The following C10orf71 variants were observed in gnomAD, a reference collection of about 807,000 sequenced individuals.
C10orf71 encodes the protein chromosome 10 open reading frame 71, also known as cardiac-enriched FHL2-interacting protein.
For synonymous variants in C10orf71, 758 were observed against 726.3 expected (o/e 1.04, Z -0.70); for missense variants, 1,869 against 1,804.5 (o/e 1.04, Z -0.65).
Position 49,325,440 on chromosome 10 carries a change from A to G in C10orf71, c.2895A>G (p.Gly965=), listed in dbSNP as rs1455956692. 3.2e-6 allele frequency: 5 copies of G among 1,550,004 alleles called. 1 individual carries two copies. Among genetic ancestry groups the G allele is most frequent in the Non-Finnish European group, 4.4e-6 (5 of 1,145,686 alleles). ...ATTTCCCATCTATGCCTCTGGTGGG[A>G]GAGGGGGACCGGGTGAAGGCACCAC... is the stretch of plus-strand genomic sequence containing the variant. ...KGNFPSMPLV[G]EGDRVKAPPD... is the part of the protein sequence containing the mutation. The change falls in exon 3 of 3, where the codon GGA becomes GGG. Residue 965 remains glycine (G), a synonymous_variant. Transcript: ENST00000374144.
intron 2 of C10orf71, among the ~76,000 whole-genome samples, chr10:49,321,782 C>A (rs1849097452): frequency 6.6e-6 from 1 of 152,168 alleles, no homozygotes; most frequent in South Asian, 2.1e-4. Flanking sequence ...TGGCTTTGAT[C>A]TGCATTTCCC....
Position 49,325,281 on chromosome 10 carries a change from C to T in C10orf71, c.2736C>T (p.Asp912=). The stretch of plus-strand genomic sequence containing the variant: ...GGTTTTGTGCCCCCGAAAACCAGGA[C>T]ATTCTTGGTACATCGACACCCACTA... The part of the protein sequence containing the change: ...DPGFCAPENQ[D]ILGTSTPTNT... Residue 912 remains aspartate, a synonymous_variant, in exon 3 of 3, where the codon GAC becomes GAT. Transcript: ENST00000374144. 3 of 1,551,778 alleles carry T rather than the reference C, an allele frequency of 1.9e-6. No homozygotes were observed. The highest frequency in any genetic ancestry group is 1.7e-4 in the Middle Eastern group (1 of 5,992).
chr10:49,297,219 C>G (rs760371612), upstream of C10orf71, among the ~76,000 whole-genome samples: 6 of 152,188 alleles, frequency 3.9e-5, no homozygotes, highest in Non-Finnish European at 7.3e-5. Context: ...GCGGCCCTGC[C>G]GAAGCTTTCA....
chr10:49,323,928 C>T lies in C10orf71; in HGVS notation c.1383C>T (p.Asp461=). The T allele has an allele frequency of 6.2e-7, 1 of 1,613,584 alleles. No homozygotes were observed. Among genetic ancestry groups the T allele is most frequent in the Non-Finnish European group, 8.5e-7 (1 of 1,179,622 alleles). The change falls in exon 3 of 3, where the codon GAC becomes GAT. Residue 461 remains aspartate (D), a synonymous_variant. Coordinates refer to ENST00000374144, the MANE Select transcript of C10orf71 (RefSeq NM_001135196.2). ...IPSKHALDSA[D]SQPAERTPSP... is the part of the protein sequence containing the mutation. Reference sequence around the variant, plus strand: ...GCAAGCACGCCCTGGATTCAGCAGACAGCCAGCCAGCAGAGCGAACCCCAT... The same window carrying T: ...GCAAGCACGCCCTGGATTCAGCAGATAGCCAGCCAGCAGAGCGAACCCCAT...
rs115054577 is a variant in C10orf71 at position 49,320,645 on chromosome 10, G to A, written c.-144-1757G>A. Among the ~76,000 whole-genome samples the A allele has an allele frequency of 4.8e-3, 736 of 152,334 alleles. 9 individuals carry two copies. Among genetic ancestry groups the A allele is most frequent in the African/African-American group, 0.017 (704 of 41,576 alleles). ...CCATGGAATATCAGGGAAGGACTCT[G>A]CAAAAACACCACTGAACTTCAGGCA... On this transcript the variant is annotated intron_variant, in intron 2 of 2. Coordinates refer to ENST00000374144, the MANE Select transcript of C10orf71 (RefSeq NM_001135196.2).
rs201857646 is a variant in C10orf71, at chr10:49,324,325, G to C, written c.1780G>C (p.Ala594Pro). The C allele has an allele frequency of 1.2e-3, 1,998 of 1,613,898 alleles. 33 individuals carry two copies. In the South Asian group the frequency reaches 0.018, roughly 15 times the overall value. Residue 594 changes from alanine (A) to proline (P), a missense_variant, in exon 3 of 3, where the codon GCT (alanine) becomes CCT (proline). Physicochemically the swap from Ala to Pro is conservative, Grantham distance 27. Coordinates refer to ENST00000374144, the MANE Select transcript of C10orf71 (RefSeq NM_001135196.2). ...AGACAGCTATCTAACTCTTAGCACA[G>C]CTCCGACTATCGCCAAAGCCCCCTT... is the stretch of plus-strand genomic sequence containing the variant. ...SADSYLTLST[A>P]PTIAKAPFYV...
chr10:49,303,256 C>T (rs780146663), intron 1 of C10orf71, among the ~76,000 whole-genome samples: 9 of 152,198 alleles, frequency 5.9e-5, no homozygotes, highest in East Asian at 1.9e-4. Flanking sequence ...CCCTCTTGTG[C>T]GGAAGAGGTC....
intron 2 of C10orf71, among the ~76,000 whole-genome samples, chr10:49,318,550 C>A (rs1208472878): frequency 6.6e-6 from 1 of 152,230 alleles, no homozygotes; most frequent in Non-Finnish European, 1.5e-5. Context: ...GAACTCAGGT[C>A]CCATCCTTTC....
At chr10:49,321,525 A>G (rs571546506) in intron 2 of C10orf71, among the ~76,000 whole-genome samples, 1 of 152,312 alleles carries the variant, frequency 6.6e-6, no homozygotes, top group East Asian at 1.9e-4. Flanking sequence ...GTGGGTGCAG[A>G]TACTTTAATA....
chr10:49,307,688 G>C (rs1052592579), intron 1 of C10orf71, among the ~76,000 whole-genome samples: 9 of 152,200 alleles, frequency 5.9e-5, no homozygotes, highest in African/African-American at 1.9e-4. Context: ...CAAGAAATTA[G>C]CCAGTGCTAC....
At position 49,326,724 on chromosome 10, in the gene C10orf71, C is replaced by G. The variant is rs1394202555; in HGVS notation, c.4179C>G (p.Thr1393=). 21 of 1,551,110 alleles carry G rather than the reference C, an allele frequency of 1.4e-5. No individual in the cohort carries two copies. In the Admixed American group the frequency reaches 3.7e-4, roughly 28 times the overall value. Residue 1393 remains threonine (T), a synonymous_variant, in exon 3 of 3, where the codon ACC becomes ACG. Transcript: ENST00000374144. ...ACCCAGGGCCTCACGGTGACTGCAC[C>G]CCGCACTCTGCAGGCCAGCGCCCTC... ...QLDPGPHGDC[T]PHSAGQRPHG...
At chr10:49,316,972 G>A (rs55892993) in intron 2 of C10orf71, among the ~76,000 whole-genome samples, 15,383 of 152,242 alleles carry the variant, frequency 0.1, 969 homozygotes, top group Admixed American at 0.14. Flanking sequence ...ACGAGGGTGT[G>A]TTTAATTGGG....
intron 1 of C10orf71, among the ~76,000 whole-genome samples, chr10:49,313,244 G>A (rs1848946113): frequency 6.6e-6 from 1 of 152,202 alleles, no homozygotes; most frequent in South Asian, 2.1e-4. Flanking sequence ...GGGCTCTGAA[G>A]CACATGTTGG....
chr10:49,307,837 T>C (rs1267215038), intron 1 of C10orf71, among the ~76,000 whole-genome samples: 1 of 152,154 alleles, frequency 6.6e-6, no homozygotes. Context: ...CCTCTCTTCT[T>C]TTCTCCTGTG....
chr10:49,320,201 G>A (rs1849071159), intron 2 of C10orf71, among the ~76,000 whole-genome samples: 1 of 152,228 alleles, frequency 6.6e-6, no homozygotes, highest in African/African-American at 2.4e-5. Flanking sequence ...AGTCCCCAGG[G>A]ATGTAGAGTT....
Position 49,325,040 on chromosome 10 carries a change from G to T in C10orf71, c.2495G>T (p.Gly832Val). 6.4e-7 allele frequency: 1 copy of T among 1,551,716 alleles called. No homozygotes were observed. Among genetic ancestry groups the T allele is most frequent in the Non-Finnish European group, 8.7e-7 (1 of 1,147,016 alleles). Reference protein sequence around the residue: ...FRGSWIGENKGTTFSQAKDLT... With the variant: ...FRGSWIGENKVTTFSQAKDLT... ...GGCTCTTGGATTGGGGAAAATAAGG[G>T]CACAACCTTTTCACAGGCCAAAGAC... The change falls in exon 3 of 3, where the codon GGC becomes GTC. Residue 832 changes from glycine to valine, a missense_variant. Transcript: ENST00000374144.
intron 1 of C10orf71, among the ~76,000 whole-genome samples, chr10:49,315,444 C>A (rs180839149): frequency 6.6e-6 from 1 of 152,312 alleles, no homozygotes; most frequent in African/African-American, 2.4e-5. Flanking sequence ...TAACACTGTG[C>A]TGCCACTTGC....
chr10:49,321,409 G>T (rs887504306), intron 2 of C10orf71, among the ~76,000 whole-genome samples: 2 of 152,074 alleles, frequency 1.3e-5, no homozygotes, highest in South Asian at 2.1e-4. Flanking sequence ...CTTCTTTAAG[G>T]TTGAATAATT....
rs73307805 is a variant in C10orf71, at chr10:49,302,040, T to C, written c.-248+2807T>C. 6.5e-3 allele frequency among the ~76,000 whole-genome samples: 987 copies of C among 152,292 alleles called. 11 individuals are homozygous for C. Among genetic ancestry groups the C allele is most frequent in the African/African-American group, 0.023 (956 of 41,568 alleles). On this transcript the variant is annotated intron_variant, in intron 1 of 2. Coordinates refer to ENST00000374144, the MANE Select transcript of C10orf71 (RefSeq NM_001135196.2). ...GCTGCTGAGGAGCTGCAAGGATGGC[T>C]GGAGGGAAGGATTTCATCTGGGATA...
Sources: allele counts gnomAD v4.1 joint callset (sites outside exome capture counted in the v4.1 genomes callset), GRCh38; gene constraint gnomAD v4.1.1; transcripts MANE v1.5; gene names NCBI Gene and HGNC (gene_info 2026-07-23, HGNC 2026-07-21).